DSCAM: variants seen among roughly 807,000 people sequenced by gnomAD.
The protein encoded by DSCAM is DS cell adhesion molecule.
A neutral mutation model predicts 217.7 loss-of-function variants in DSCAM; 47 were observed. The observed-to-expected ratio is 0.22, with a 90% confidence interval of 0.17 to 0.28. The LOEUF (loss-of-function observed/expected upper bound fraction) is 0.28. Among genes scored for constraint, DSCAM ranks in the 10% least tolerant of loss-of-function variants. The probability of loss-of-function intolerance (pLI) is 1.00; values close to 1 mark genes in which losing one functional copy is unlikely to be tolerated. For missense variants in DSCAM, 2,080 were observed against 2,618.3 expected (o/e 0.79, Z 4.49); for synonymous variants, 1,056 against 1,015.3 (o/e 1.04, Z -0.76).
chr21:40,434,150 G>A (rs1293376244), intron 3 of DSCAM, among the ~76,000 whole-genome samples: 2 of 152,138 alleles, frequency 1.3e-5, no homozygotes, highest in Non-Finnish European at 2.9e-5. Flanking sequence ...TTTTAATCAT[G>A]TTTACACACA....
chr21:40,508,779 ATATATTTT>A (rs2076234679), intron 3 of DSCAM, among the ~76,000 whole-genome samples: 1 of 4,866 alleles, frequency 2.1e-4, no homozygotes, highest in African/African-American at 1.3e-3. Flanking sequence ...ATATATATAT[ATATATTTT>A]TTTTTTTTTT....
At chr21:40,311,958 T>TTTTTG in intron 9 of DSCAM, 123 bp downstream of exon 9, 1 of 441,234 alleles carries the variant, frequency 2.3e-6, no homozygotes, top group Non-Finnish European at 3.5e-6. Context: ...TTTTTTTTTT[T>TTTTTG]TTAGTGAGAT....
intron 3 of DSCAM, among the ~76,000 whole-genome samples, chr21:40,395,669 T>G (rs974573215): frequency 3.9e-5 from 6 of 152,200 alleles, no homozygotes; most frequent in Non-Finnish European, 7.3e-5. Flanking sequence ...TTTATATTCA[T>G]GAACACAAAG....
At chr21:40,340,823 A>C (rs2074483157) in intron 6 of DSCAM, among the ~76,000 whole-genome samples, 1 of 152,244 alleles carries the variant, frequency 6.6e-6, no homozygotes, top group South Asian at 2.1e-4. Context: ...TTGCAATTCC[A>C]TCAGGGAAAG....
intron 1 of DSCAM, among the ~76,000 whole-genome samples, chr21:40,828,804 T>TCC (rs2091990212): frequency 6.6e-6 from 1 of 152,100 alleles, no homozygotes; most frequent in Non-Finnish European, 1.5e-5. Flanking sequence ...TACAGGCACA[T>TCC]GCCACCACAC....
chr21:40,082,370 G>C (rs1401663782), intron 24 of DSCAM, among the ~76,000 whole-genome samples: 3 of 152,222 alleles, frequency 2.0e-5, no homozygotes, highest in East Asian at 3.8e-4. Context: ...TGAGGCAGGA[G>C]AATCACTTGA....
intron 16 of DSCAM, among the ~76,000 whole-genome samples, chr21:40,148,511 CT>C (rs982515977): frequency 1.2e-4 from 18 of 152,134 alleles, no homozygotes; most frequent in African/African-American, 4.3e-4. Context: ...GGCATGCTAA[CT>C]GTATCTCAAT....
intron 26 of DSCAM, among the ~76,000 whole-genome samples, chr21:40,075,578 C>A (rs1051199205): frequency 1.3e-5 from 2 of 152,012 alleles, no homozygotes; most frequent in African/African-American, 2.4e-5. Flanking sequence ...AGAGACTATT[C>A]GAAAAAATTG....
chr21:40,209,130 T>C (rs2091156858), intron 11 of DSCAM, among the ~76,000 whole-genome samples: 1 of 152,182 alleles, frequency 6.6e-6, no homozygotes, highest in African/African-American at 2.4e-5. Flanking sequence ...CCCCTCATCG[T>C]CTTCCACTTG....
chr21:40,686,874 T>C (rs2090485016), intron 3 of DSCAM, among the ~76,000 whole-genome samples: 1 of 152,206 alleles, frequency 6.6e-6, no homozygotes. Flanking sequence ...ATGCAAAACC[T>C]AATTTAGTGA....
At chr21:40,548,507 A>AT (rs1568896428) in intron 3 of DSCAM, among the ~76,000 whole-genome samples, 1 of 85,350 alleles carries the variant, frequency 1.2e-5, no homozygotes, top group Non-Finnish European at 2.7e-5. Flanking sequence ...AACCAGTAAA[A>AT]AAAAAAATAT....
intron 3 of DSCAM, among the ~76,000 whole-genome samples, chr21:40,582,483 T>C (rs965366040): frequency 5.9e-5 from 9 of 152,200 alleles, no homozygotes; most frequent in African/African-American, 2.2e-4. Context: ...CATTCTTAGG[T>C]TATGTATTAT....
chr21:40,598,212 T>C (rs560316165), intron 3 of DSCAM, among the ~76,000 whole-genome samples: 1 of 152,350 alleles, frequency 6.6e-6, no homozygotes, highest in East Asian at 1.9e-4. Context: ...GATGTGGCTT[T>C]TTCAGACTTG....
chr21:40,571,023 C>T (rs2076802238), intron 3 of DSCAM, among the ~76,000 whole-genome samples: 1 of 151,726 alleles, frequency 6.6e-6, no homozygotes, highest in Non-Finnish European at 1.5e-5. Context: ...GATTAGCAAA[C>T]CACAACATAA....
At chr21:40,714,389 A>C (rs2090817668) in intron 1 of DSCAM, among the ~76,000 whole-genome samples, 1 of 152,158 alleles carries the variant, frequency 6.6e-6, no homozygotes, top group Non-Finnish European at 1.5e-5. Context: ...AGAGCCCAAC[A>C]AAGCCACCAA....
chr21:40,784,802 G>A (rs57589775), intron 1 of DSCAM, among the ~76,000 whole-genome samples: 33,956 of 152,052 alleles, frequency 0.22, 4,102 homozygotes, highest in African/African-American at 0.31. Flanking sequence ...ACCAGATGCC[G>A]AACCTTCTGC....
intron 11 of DSCAM, among the ~76,000 whole-genome samples, chr21:40,196,813 A>G (rs1363504435): frequency 6.6e-6 from 1 of 152,186 alleles, no homozygotes; most frequent in African/African-American, 2.4e-5. Context: ...CTGCATAAGT[A>G]TTTCAGCCAT....
chr21:40,549,911 T>C (rs2076615846), intron 3 of DSCAM, among the ~76,000 whole-genome samples: 1 of 152,176 alleles, frequency 6.6e-6, no homozygotes, highest in Non-Finnish European at 1.5e-5. Flanking sequence ...GCTGTATCCT[T>C]TACACACTGA....
intron 3 of DSCAM, among the ~76,000 whole-genome samples, chr21:40,581,122 C>A (rs1226829276): frequency 2.0e-5 from 3 of 152,200 alleles, no homozygotes; most frequent in Non-Finnish European, 1.5e-5. Flanking sequence ...GAAGACAGGA[C>A]TCTGGATAAA....
Sources: gnomAD v4.1 joint callset for allele counts (sites outside exome capture counted in the v4.1 genomes callset) on GRCh38, gnomAD v4.1.1 for gene constraint, MANE v1.5 for transcripts, NCBI Gene and HGNC (gene_info 2026-07-23, HGNC 2026-07-21) for gene names.